Variants in TSPAN17 observed in about 807,000 individuals in gnomAD.
TSPAN17 encodes the protein tetraspanin-17.
In TSPAN17, 33 loss-of-function variants were observed where a neutral mutation model predicts 40.5. That is an observed-to-expected ratio of 0.81 (90% CI 0.62 to 1.09). The LOEUF (loss-of-function observed/expected upper bound fraction) is 1.09, where lower values mean the gene tolerates loss of function less well. Among genes scored for constraint, TSPAN17 ranks in the 50% least tolerant of loss-of-function variants. The pLI, the probability that TSPAN17 is intolerant of heterozygous loss-of-function variation, is 0.00. For synonymous variants in TSPAN17, 166 were observed against 169.4 expected (o/e 0.98, Z 0.15); for missense variants, 365 against 416.8 (o/e 0.88, Z 1.08).
intron 6 of TSPAN17, 115 bp downstream of exon 6, chr5:176,656,240 A>T: frequency 8.6e-7 from 1 of 1,161,102 alleles, no homozygotes; most frequent in Non-Finnish European, 1.2e-6. Context: ...GAGGGTGCTG[A>T]GTCCCAGGAA....
rs761083829 is a variant in TSPAN17 at position 176,651,839 on chromosome 5, C to T, written c.224C>T (p.Ser75Leu). 6 of 1,614,086 alleles carry T rather than the reference C, an allele frequency of 3.7e-6. No individual in the cohort carries two copies. The highest frequency in any genetic ancestry group is 2.2e-5 in the South Asian group (2 of 91,080). ...WLFVVVGGVM[S>L]VLGFAGCIGA... ...TTTGTGGTAGTTGGAGGCGTCATGT[C>T]GGTGCTGGGCTTTGCTGGCTGCATT... Residue 75 changes from serine (S) to leucine (L), a missense_variant, in exon 3 of 9, where the codon TCG becomes TTG. Coordinates refer to ENST00000508164, the MANE Select transcript of TSPAN17 (RefSeq NM_130465.5). This position sits in a 1 kb window ranked among gnomAD's most constrained non-coding sequence, Gnocchi z 4.5.
chr5:176,657,608 G>C lies in TSPAN17; in HGVS notation c.900G>C (p.Leu300=). 1 of 1,613,770 alleles carries C rather than the reference G, an allele frequency of 6.2e-7. No individual in the cohort carries two copies. Among genetic ancestry groups the C allele is most frequent in the Non-Finnish European group, 8.5e-7 (1 of 1,179,906 alleles). The change falls in exon 9 of 9, where the codon CTG becomes CTC. Residue 300 remains leucine (L), a synonymous_variant. Coordinates refer to ENST00000508164, the MANE Select transcript of TSPAN17 (RefSeq NM_130465.5). Reference sequence around the variant, plus strand: ...CGGCGGGGCCTCAGCAGAACTCTCTGACTGGGGCCCCTGGCCCGGCCCCAC... The same window carrying C: ...CGGCGGGGCCTCAGCAGAACTCTCTCACTGGGGCCCCTGGCCCGGCCCCAC... The part of the protein sequence containing the change: ...LSTAGPQQNS[L]TGAPGPAPPS...
intron 6 of TSPAN17, 98 bp from the exon 7 acceptor site, chr5:176,656,602 G>T: frequency 8.3e-7 from 1 of 1,202,798 alleles, no homozygotes; most frequent in Non-Finnish European, 1.2e-6. Context: ...AGGTACTGCA[G>T]GTTTAGACCC....
Position 176,654,831 on chromosome 5 carries a change from C to T in TSPAN17, c.457-64C>T. On this transcript the variant is annotated intron_variant, in intron 4 of 8. Transcript: ENST00000508164. The surrounding 1 kb of genome is among the most constrained non-coding windows in gnomAD (Gnocchi z 4.3). Reference sequence around the variant, plus strand: ...TGTATTCCTGCAGCCTGGGCTTGTTCCCAAACAGGGTGAGGCTCCTGGGAT... The same window carrying T: ...TGTATTCCTGCAGCCTGGGCTTGTTTCCAAACAGGGTGAGGCTCCTGGGAT... 6.3e-7 allele frequency: 1 copy of T among 1,589,426 alleles called. No individual in the cohort carries two copies. Among genetic ancestry groups the T allele is most frequent in the Non-Finnish European group, 8.6e-7 (1 of 1,166,694 alleles).
chr5:176,654,988 G>T lies in TSPAN17; in HGVS notation c.550G>T (p.Val184Leu). The T allele has an allele frequency of 6.2e-7, 1 of 1,610,482 alleles. No individual in the cohort carries two copies. The highest frequency in any genetic ancestry group is 1.3e-5 in the African/African-American group (1 of 75,000). ...GAACCCCAGCCGGGAGCGCTGCGGG[G>T]TGCCCTTCTCCTGCTGCGTCAGGGA... Reference protein sequence around the residue: ...DLNPSRERCGVPFSCCVRDPA... With the variant: ...DLNPSRERCGLPFSCCVRDPA... The change falls in exon 5 of 9, where the codon GTG (valine) becomes TTG (leucine). Residue 184 changes from valine to leucine, a missense_variant. Val to Leu is a conservative substitution (Grantham distance 32). Coordinates refer to ENST00000508164, the MANE Select transcript of TSPAN17 (RefSeq NM_130465.5). This position sits in a 1 kb window ranked among gnomAD's most constrained non-coding sequence, Gnocchi z 4.3.
In TSPAN17 at chr5:176,654,808, T is replaced by A; in HGVS notation, c.457-87T>A. ...CCCAGCCCTGTCCCAGACAGCCCTG[T>A]ATTCCTGCAGCCTGGGCTTGTTCCC... is the stretch of plus-strand genomic sequence containing the variant. On this transcript the variant is annotated intron_variant, in intron 4 of 8. Coordinates refer to ENST00000508164, the MANE Select transcript of TSPAN17 (RefSeq NM_130465.5). The surrounding 1 kb of genome is among the most constrained non-coding windows in gnomAD (Gnocchi z 4.3). 6.6e-7 allele frequency: 1 copy of A among 1,526,472 alleles called. No homozygotes were observed. The highest frequency in any genetic ancestry group is 8.9e-7 in the Non-Finnish European group (1 of 1,126,166). 94.6% of individuals were successfully genotyped at this position (1,526,472 alleles called of 1,614,324 possible). A position where few individuals can be genotyped will look rare whatever the true frequency, so the allele number is the denominator to read the frequency against.
At chr5:176,652,626 C>G (rs548708242) in intron 3 of TSPAN17, 117 bp from the exon 4 acceptor site, 1 of 921,246 alleles carries the variant, frequency 1.1e-6, no homozygotes, top group East Asian at 2.4e-5. Flanking sequence ...GGGCTCTGGG[C>G]GCCTCTGGGT....
At position 176,651,619 on chromosome 5, in the gene TSPAN17, C is replaced by G; in HGVS notation, c.91C>G (p.Leu31Val). The G allele has an allele frequency of 6.2e-7, 1 of 1,613,226 alleles. No homozygotes were observed. Among genetic ancestry groups the G allele is most frequent in the Non-Finnish European group, 8.5e-7 (1 of 1,179,490 alleles). ...LFGFNIVFWV[L>V]GALFLAIGLW... ...CTCTTTGTTGCTGCCCTTGCAGGTG[C>G]TGGGAGCCCTGTTCCTGGCTATCGG... Residue 31 changes from leucine (L) to valine (V), a missense_variant, in exon 2 of 9, where the codon CTG (leucine) becomes GTG (valine). Physicochemically the swap from Leu to Val is conservative, Grantham distance 32. Transcript: ENST00000508164. This position sits in a 1 kb window ranked among gnomAD's most constrained non-coding sequence, Gnocchi z 4.5.
chr5:176,657,463 T>C, intron 8 of TSPAN17, 55 bp from the exon 9 acceptor site: 1 of 1,549,716 alleles, frequency 6.5e-7, no homozygotes, highest in Non-Finnish European at 8.7e-7. Context: ...TCAGCCTCAG[T>C]GTCCCAGACT....
intron 8 of TSPAN17, 194 bp from the exon 9 acceptor site, chr5:176,657,324 G>GC (rs532106906): frequency 5.0e-6 from 5 of 1,009,352 alleles, no homozygotes; most frequent in South Asian, 1.7e-5. Context: ...CCCGTTCCCT[G>GC]CCCCCCAGTG....
Position 176,652,717 on chromosome 5 carries a change from C to G in TSPAN17, c.286-26C>G, listed in dbSNP as rs200503272. ...TCACCAGAGCCCTGCGTTTCCAACC[C>G]CTACTGTCTGTATGCCCAACCCCAG... On this transcript the variant is annotated intron_variant, in intron 3 of 8. Coordinates refer to ENST00000508164, the MANE Select transcript of TSPAN17 (RefSeq NM_130465.5). The G allele has an allele frequency of 1.9e-4, 304 of 1,612,806 alleles. 4 individuals are homozygous for G. The Admixed American group carries it at 4.8e-3, about 25-fold the overall frequency.
chr5:176,651,849 C>G lies in TSPAN17; in HGVS notation c.234C>G (p.Gly78=). Residue 78 remains glycine (G), a synonymous_variant, in exon 3 of 9, where the codon GGC becomes GGG. Transcript: ENST00000508164. The surrounding 1 kb of genome is among the most constrained non-coding windows in gnomAD (Gnocchi z 4.5). ...TTGGAGGCGTCATGTCGGTGCTGGGCTTTGCTGGCTGCATTGGGGCCCTCC... is the reference window on the plus strand; with the variant it reads ...TTGGAGGCGTCATGTCGGTGCTGGGGTTTGCTGGCTGCATTGGGGCCCTCC... ...VVVGGVMSVL[G]FAGCIGALRE... is the part of the protein sequence containing the mutation. The G allele has an allele frequency of 6.2e-7, 1 of 1,614,140 alleles. No homozygotes were observed. Among genetic ancestry groups the G allele is most frequent in the Non-Finnish European group, 8.5e-7 (1 of 1,180,020 alleles).
At chr5:176,653,069 AG>A (rs1444266927) in intron 4 of TSPAN17, 156 bp downstream of exon 4, 1 of 742,748 alleles carries the variant, frequency 1.3e-6, no homozygotes, top group African/African-American at 1.8e-5. Flanking sequence ...GAGGAGAGCC[AG>A]CCCCTGCTGA....
intron 1 of TSPAN17, among the ~76,000 whole-genome samples, chr5:176,649,905 C>G (rs1174013750): frequency 6.6e-6 from 1 of 152,220 alleles, no homozygotes; most frequent in African/African-American, 2.4e-5. Context: ...TTTCATCATT[C>G]AAACCTCAGC....
chr5:176,655,006 G>A lies in TSPAN17; in HGVS notation c.568G>A (p.Val190Ile), dbSNP rs1008391001. The A allele has an allele frequency of 7.5e-6, 12 of 1,606,878 alleles. No homozygotes were observed. The highest frequency in any genetic ancestry group is 2.7e-5 in the African/African-American group (2 of 74,820). ...ERCGVPFSCC[V>I]RDPAEDVLNT... ...CTGCGGGGTGCCCTTCTCCTGCTGC[G>A]TCAGGGACCCTGCGGTGAGTGGGGC... Residue 190 changes from valine to isoleucine, a missense_variant, in exon 5 of 9, where the codon GTC becomes ATC. Transcript: ENST00000508164.
In TSPAN17 at chr5:176,654,755, G is replaced by A. The variant is rs750692914; in HGVS notation, c.457-140G>A. 40 of 1,072,688 alleles carry A rather than the reference G, an allele frequency of 3.7e-5. No individual in the cohort carries two copies. Among genetic ancestry groups the A allele is most frequent in the Admixed American group, 1.0e-4 (4 of 39,222 alleles). 66.4% of individuals were successfully genotyped at this position (1,072,688 alleles called of 1,614,324 possible). A position where few individuals can be genotyped will look rare whatever the true frequency, so the allele number is the denominator to read the frequency against. On this transcript the variant is annotated intron_variant, in intron 4 of 8. Coordinates refer to ENST00000508164, the MANE Select transcript of TSPAN17 (RefSeq NM_130465.5). The surrounding 1 kb of genome is among the most constrained non-coding windows in gnomAD (Gnocchi z 4.3). ...GGAGGTTGGGCCCAGGCCTGTGGGG[G>A]TGGGGAGGTGGCCACCCACTTGGCT...
In TSPAN17 at chr5:176,651,626, C is replaced by T. The variant is rs1362357372; in HGVS notation, c.98C>T (p.Ala33Val). Reference protein sequence around the residue: ...GFNIVFWVLGALFLAIGLWAW... With the variant: ...GFNIVFWVLGVLFLAIGLWAW... ...TTGCTGCCCTTGCAGGTGCTGGGAG[C>T]CCTGTTCCTGGCTATCGGCCTCTGG... The change falls in exon 2 of 9, where the codon GCC becomes GTC. Residue 33 changes from alanine to valine, a missense_variant. Transcript: ENST00000508164. The surrounding 1 kb of genome is among the most constrained non-coding windows in gnomAD (Gnocchi z 4.5). The T allele has an allele frequency of 1.2e-6, 2 of 1,613,360 alleles. No individual in the cohort carries two copies. Among genetic ancestry groups the T allele is most frequent in the African/African-American group, 2.7e-5 (2 of 74,902 alleles).
At chr5:176,656,195 ACCT>A in intron 6 of TSPAN17, 70 bp downstream of exon 6, 5 of 1,518,558 alleles carry the variant, frequency 3.3e-6, no homozygotes, top group Non-Finnish European at 4.5e-6. Context: ...AGTGTCTATA[ACCT>A]CCTCTGGAAG....
At chr5:176,648,165 G>T (rs1270660679) in intron 1 of TSPAN17, among the ~76,000 whole-genome samples, 2 of 152,168 alleles carry the variant, frequency 1.3e-5, no homozygotes, top group Non-Finnish European at 2.9e-5. Flanking sequence ...ACCTGGGTCA[G>T]GTGCCTCACC....
Sources: gnomAD v4.1 joint callset for allele counts (sites outside exome capture counted in the v4.1 genomes callset) on GRCh38, gnomAD v4.1.1 for gene constraint, Gnocchi (gnomAD v3.1) non-coding constraint, MANE v1.5 for transcripts, NCBI Gene and HGNC (gene_info 2026-07-23, HGNC 2026-07-21) for gene names.